ACTA1: variants seen among roughly 807,000 people sequenced by gnomAD.
ACTA1 encodes actin, alpha skeletal muscle.
ACTA1 carries 25 observed loss-of-function variants against 35.8 expected under a neutral mutation model. The observed-to-expected ratio is 0.70, with a 90% CI of 0.51 to 0.97. The LOEUF (loss-of-function observed/expected upper bound fraction) is 0.97. Ranked by LOEUF, ACTA1 falls within the 50% of genes least tolerant of loss-of-function variation. The pLI is 0.00. For synonymous variants in ACTA1, 219 were observed against 217.1 expected, an observed-to-expected ratio of 1.01 and a Z score of -0.08; for missense variants, 174 against 533.0, an observed-to-expected ratio of 0.33 and a Z score of 6.63.
chr1:229,431,704 C>G lies in ACTA1; in HGVS notation c.990+17G>C, dbSNP rs368470632. ...TGGAGCCCACCCCGCCGACAGCCCG[C>G]GCAGGCCACCACCCACCTTGATCTT... is the stretch of plus-strand genomic sequence containing the variant. On this transcript the variant is annotated intron_variant, in intron 6 of 6. Transcript: ENST00000366684. This position sits in a 1 kb window ranked among gnomAD's most constrained non-coding sequence, Gnocchi z 7.1. The G allele has an allele frequency of 1.9e-6, 3 of 1,614,094 alleles. No individual in the cohort carries two copies. The highest frequency in any genetic ancestry group is 2.5e-6 in the Non-Finnish European group (3 of 1,180,008).
chr1:229,431,494 T>C lies in ACTA1; in HGVS notation c.*5A>G. Reference sequence around the variant, plus strand: ...GAGAAGTCGCGTGCTGGAGGTGGAGTGTGTCTAGAAGCATTTGCGGTGGAC... The same window carrying C: ...GAGAAGTCGCGTGCTGGAGGTGGAGCGTGTCTAGAAGCATTTGCGGTGGAC... On this transcript the variant is annotated 3_prime_UTR_variant, in exon 7 of 7. Coordinates refer to ENST00000366684, the MANE Select transcript of ACTA1 (RefSeq NM_001100.4). The surrounding 1 kb of genome is among the most constrained non-coding windows in gnomAD (Gnocchi z 7.1). 1 of 1,611,716 alleles carries C rather than the reference T, an allele frequency of 6.2e-7. No homozygotes were observed. The highest frequency in any genetic ancestry group is 8.5e-7 in the Non-Finnish European group (1 of 1,179,756).
Position 229,431,656 on chromosome 1 carries a change from C to G in ACTA1, c.991-14G>C. On this transcript the variant is annotated splice_polypyrimidine_tract_variant and intron_variant, in intron 6 of 6. Transcript: ENST00000366684. The surrounding 1 kb of genome is among the most constrained non-coding windows in gnomAD (Gnocchi z 7.1). ...CGGGGCGATGATCTGCAAGACAGCGCGTGAGGTGGGGAGACCTCACCCTGG... is the reference window on the plus strand; with the variant it reads ...CGGGGCGATGATCTGCAAGACAGCGGGTGAGGTGGGGAGACCTCACCCTGG... The G allele has an allele frequency of 6.2e-7, 1 of 1,614,002 alleles. No individual in the cohort carries two copies.
In ACTA1 at chr1:229,431,951, C is replaced by A. The variant is rs759179371; in HGVS notation, c.808+43G>T. 12 of 1,607,092 alleles carry A rather than the reference C, an allele frequency of 7.5e-6. No homozygotes were observed. Among genetic ancestry groups the A allele is most frequent in the Admixed American group, 6.7e-5 (4 of 59,636 alleles). ...GAGCAGAAGCTCGGGGCGCCGGGGGCCGGCGGGGCCTGGGGGCCGGGGCGA... is the reference window on the plus strand; with the variant it reads ...GAGCAGAAGCTCGGGGCGCCGGGGGACGGCGGGGCCTGGGGGCCGGGGCGA... On this transcript the variant is annotated intron_variant, in intron 5 of 6. Transcript: ENST00000366684. The surrounding 1 kb of genome is among the most constrained non-coding windows in gnomAD (Gnocchi z 7.1).
intron 2 of ACTA1, 25 bp downstream of exon 2, chr1:229,432,962 T>C (rs1659983755): frequency 6.2e-7 from 1 of 1,613,514 alleles, no homozygotes; most frequent in East Asian, 2.2e-5. Flanking sequence ...CCGAGCCGGC[T>C]CCCTCTGCGG....
chr1:229,431,750 C>T lies in ACTA1; in HGVS notation c.961G>A (p.Ala321Thr). 1 of 1,614,176 alleles carries T rather than the reference C, an allele frequency of 6.2e-7. No individual in the cohort carries two copies. The highest frequency in any genetic ancestry group is 8.5e-7 in the Non-Finnish European group (1 of 1,180,018). The change falls in exon 6 of 7, where the codon GCG becomes ACG. Residue 321 changes from alanine to threonine, a missense_variant. Ala to Thr is a moderately conservative substitution (Grantham distance 58). Transcript: ENST00000366684. The surrounding 1 kb of genome is among the most constrained non-coding windows in gnomAD (Gnocchi z 7.1). The stretch of plus-strand genomic sequence containing the variant: ...ATCTTCATGGTGCTGGGTGCCAGCG[C>T]GGTGATCTCTTTCTGCATGCGGTCA... Reference protein sequence around the residue: ...IADRMQKEITALAPSTMKIKI... With the variant: ...IADRMQKEITTLAPSTMKIKI...
rs2102736312 is a variant in ACTA1 at position 229,432,724 on chromosome 1, G to C, written c.286C>G (p.Leu96Val). 6.2e-7 allele frequency: 1 copy of C among 1,614,212 alleles called. No individual in the cohort carries two copies. Residue 96 changes from leucine to valine, a missense_variant, in exon 3 of 7, where the codon CTT (leucine) becomes GTT (valine). Transcript: ENST00000366684. ...KIWHHTFYNE[L>V]RVAPEEHPTL... ...GGGTGCTCCTCGGGAGCCACGCGAA[G>C]CTCGTTGTAGAAGGTGTGGTGCCAG...
chr1:229,432,581 G>A lies in ACTA1; in HGVS notation c.429C>T (p.Ser143=), dbSNP rs1308894686. ...AMYVAIQAVL[S]LYASGRTTGI... Reference sequence around the variant, plus strand: ...CGGTGGTCCTGCCGGAGGCGTAGAGGGACAGCACGGCCTGGATGGCCACGT... The same window carrying A: ...CGGTGGTCCTGCCGGAGGCGTAGAGAGACAGCACGGCCTGGATGGCCACGT... Residue 143 remains serine, a synonymous_variant, in exon 3 of 7, where the codon TCC becomes TCT. Coordinates refer to ENST00000366684, the MANE Select transcript of ACTA1 (RefSeq NM_001100.4). 6.2e-7 allele frequency: 1 copy of A among 1,613,168 alleles called. No individual in the cohort carries two copies. Among genetic ancestry groups the A allele is most frequent in the Non-Finnish European group, 8.5e-7 (1 of 1,179,924 alleles).
Position 229,431,303 on chromosome 1 carries a change from A to G in ACTA1, c.*196T>C. 1 of 758,378 alleles carries G rather than the reference A, an allele frequency of 1.3e-6. No homozygotes were observed. Among genetic ancestry groups the G allele is most frequent in the South Asian group, 1.7e-5 (1 of 58,392 alleles). 47.0% of individuals were successfully genotyped at this position (758,378 alleles called of 1,614,324 possible). A position where few individuals can be genotyped will look rare whatever the true frequency, so the allele number is the denominator to read the frequency against. On this transcript the variant is annotated 3_prime_UTR_variant, in exon 7 of 7. Coordinates refer to ENST00000366684, the MANE Select transcript of ACTA1 (RefSeq NM_001100.4). This position sits in a 1 kb window ranked among gnomAD's most constrained non-coding sequence, Gnocchi z 7.1. The stretch of plus-strand genomic sequence containing the variant: ...CTTCAAGTTTTCCATTTTCTTCCAC[A>G]GGGCTTTGTTTCGAAAAATAACAAA...
rs945172207 is a variant in ACTA1 at position 229,431,267 on chromosome 1, CTT to C, written c.*230_*231del. ...CACTTTACGCAGCTTAACAGAATGA[CTT>C]TAATGCTTCTTCAAGTTTTCCATTT... On this transcript the variant is annotated 3_prime_UTR_variant, in exon 7 of 7. Transcript: ENST00000366684. The surrounding 1 kb of genome is among the most constrained non-coding windows in gnomAD (Gnocchi z 7.1). The C allele has an allele frequency of 3.2e-6, 2 of 633,650 alleles. No homozygotes were observed. Among genetic ancestry groups the C allele is most frequent in the African/African-American group, 3.6e-5 (2 of 54,912 alleles). 39.3% of individuals were successfully genotyped at this position (633,650 alleles called of 1,614,324 possible).
At chr1:229,433,355 G>C (rs1255529915) in intron 1 of ACTA1, among the ~76,000 whole-genome samples, 1 of 152,168 alleles carries the variant, frequency 6.6e-6, no homozygotes, top group Non-Finnish European at 1.5e-5. Context: ...ACAGGGTCGC[G>C]AGACCCCACT....
rs111812550 is a variant in ACTA1, at chr1:229,432,269, C to T, written c.616+1G>A. The T allele has an allele frequency of 3.1e-6, 5 of 1,613,594 alleles. No homozygotes were observed. Among genetic ancestry groups the T allele is most frequent in the Non-Finnish European group, 4.2e-6 (5 of 1,179,818 alleles). ...GCCCGGGGTGCAGGGGCGCCGCGCA[C>T]CTGTGGTCACGAAGGAGTAGCCACG... On this transcript the variant is annotated splice_donor_variant, in intron 4 of 6. Transcript: ENST00000366684. LOFTEE classifies it high-confidence loss of function.
At position 229,432,723 on chromosome 1, in the gene ACTA1, AGC is replaced by A; in HGVS notation, c.285_286del (p.Glu95AspfsTer32). 1.2e-6 allele frequency: 2 copies of A among 1,614,178 alleles called. No individual in the cohort carries two copies. The highest frequency in any genetic ancestry group is 1.7e-6 in the Non-Finnish European group (2 of 1,180,032). ...GGGGTGCTCCTCGGGAGCCACGCGAAGCTCGTTGTAGAAGGTGTGGTGCCAGA... is the reference window on the plus strand; with the variant it reads ...GGGGTGCTCCTCGGGAGCCACGCGAATCGTTGTAGAAGGTGTGGTGCCAGA... On this transcript the variant is annotated frameshift_variant, in exon 3 of 7. Transcript: ENST00000366684. LOFTEE classifies it high-confidence loss of function.
chr1:229,431,262 A>G lies in ACTA1; in HGVS notation c.*237T>C. 1 of 613,314 alleles carries G rather than the reference A, an allele frequency of 1.6e-6. No homozygotes were observed. The highest frequency in any genetic ancestry group is 2.8e-6 in the Non-Finnish European group (1 of 351,296). 38.0% of individuals were successfully genotyped at this position (613,314 alleles called of 1,614,324 possible). A position where few individuals can be genotyped will look rare whatever the true frequency, so the allele number is the denominator to read the frequency against. On this transcript the variant is annotated 3_prime_UTR_variant, in exon 7 of 7. Coordinates refer to ENST00000366684, the MANE Select transcript of ACTA1 (RefSeq NM_001100.4). The surrounding 1 kb of genome is among the most constrained non-coding windows in gnomAD (Gnocchi z 7.1). ...ACGACCACTTTACGCAGCTTAACAGAATGACTTTAATGCTTCTTCAAGTTT... is the reference window on the plus strand; with the variant it reads ...ACGACCACTTTACGCAGCTTAACAGGATGACTTTAATGCTTCTTCAAGTTT...
rs1043691538 is a variant in ACTA1 at position 229,431,269 on chromosome 1, T to C, written c.*230A>G. On this transcript the variant is annotated 3_prime_UTR_variant, in exon 7 of 7. Transcript: ENST00000366684. This position sits in a 1 kb window ranked among gnomAD's most constrained non-coding sequence, Gnocchi z 7.1. ...CTTTACGCAGCTTAACAGAATGACT[T>C]TAATGCTTCTTCAAGTTTTCCATTT... 4.7e-6 allele frequency: 3 copies of C among 637,734 alleles called. No individual in the cohort carries two copies. The African/African-American group carries it at 5.5e-5, about 12-fold the overall frequency. The allele number at this position is 637,734 out of a possible 1,614,324, so 39.5% of individuals were successfully genotyped here. A position where few individuals can be genotyped will look rare whatever the true frequency, so the allele number is the denominator to read the frequency against.
intron 1 of ACTA1, among the ~76,000 whole-genome samples, chr1:229,433,461 C>T (rs1183976516): frequency 6.6e-6 from 1 of 152,208 alleles, no homozygotes; most frequent in Admixed American, 6.5e-5. Flanking sequence ...GACGCTAGTG[C>T]CCATCCTCTC....
At chr1:229,432,248 G>A (rs1359254811) in intron 4 of ACTA1, 22 bp downstream of exon 4, 7 of 1,613,156 alleles carry the variant, frequency 4.3e-6, no homozygotes, top group Non-Finnish European at 5.9e-6. Flanking sequence ...CCTCCCGCCC[G>A]GGGTGCAGGG....
chr1:229,432,468 G>A (rs1332758106), intron 3 of ACTA1, 37 bp from the exon 4 acceptor site: 5 of 1,572,904 alleles, frequency 3.2e-6, no homozygotes, highest in Middle Eastern at 2.1e-4. Context: ...GGCTGGGGGC[G>A]AGGCCGAGGC....
rs766934634 is a variant in ACTA1 at position 229,432,621 on chromosome 1, T to C, written c.389A>G (p.Asn130Ser). 8.2e-5 allele frequency: 133 copies of C among 1,613,644 alleles called. No individual in the cohort carries two copies. The highest frequency in any genetic ancestry group is 1.1e-4 in the Non-Finnish European group (126 of 1,179,930). ...KMTQIMFETF[N>S]VPAMYVAIQA... Reference sequence around the variant, plus strand: ...GATGGCCACGTACATGGCGGGCACGTTGAAGGTCTCAAACATGATCTGGGT... The same window carrying C: ...GATGGCCACGTACATGGCGGGCACGCTGAAGGTCTCAAACATGATCTGGGT... The change falls in exon 3 of 7, where the codon AAC becomes AGC. Residue 130 changes from asparagine to serine, a missense_variant. Coordinates refer to ENST00000366684, the MANE Select transcript of ACTA1 (RefSeq NM_001100.4).
chr1:229,431,959 GC>G lies in ACTA1; in HGVS notation c.808+34del. On this transcript the variant is annotated intron_variant, in intron 5 of 6. Transcript: ENST00000366684. This position sits in a 1 kb window ranked among gnomAD's most constrained non-coding sequence, Gnocchi z 7.1. Reference sequence around the variant, plus strand: ...GCTCGGGGCGCCGGGGGCCGGCGGGGCCTGGGGGCCGGGGCGAGGGCGAGCG... The same window carrying G: ...GCTCGGGGCGCCGGGGGCCGGCGGGGCTGGGGGCCGGGGCGAGGGCGAGCG... 1 of 1,605,700 alleles carries G rather than the reference GC, an allele frequency of 6.2e-7. No individual in the cohort carries two copies. The highest frequency in any genetic ancestry group is 1.1e-5 in the South Asian group (1 of 90,666).
Sources: allele counts gnomAD v4.1 joint callset (sites outside exome capture counted in the v4.1 genomes callset), GRCh38; gene constraint gnomAD v4.1.1; non-coding constraint Gnocchi (gnomAD v3.1); transcripts MANE v1.5; gene names NCBI Gene and HGNC (gene_info 2026-07-23, HGNC 2026-07-21).